TUBD1: variants seen among roughly 807,000 people sequenced by gnomAD.
TUBD1 encodes the protein tubulin delta 1.
Under a neutral mutation model 51.2 loss-of-function variants are expected in TUBD1, and 38 were observed. The observed-to-expected ratio is 0.74, with a 90% CI of 0.57 to 0.97. The LOEUF (loss-of-function observed/expected upper bound fraction) is 0.97, where lower values mean the gene tolerates loss of function less well. Ranked by LOEUF, TUBD1 falls within the 50% of genes least tolerant of loss-of-function variation. The pLI, the probability that TUBD1 is intolerant of heterozygous loss-of-function variation, is 0.00. For missense variants in TUBD1, 489 were observed against 538.4 expected, an observed-to-expected ratio of 0.91 and a Z score of 0.91; for synonymous variants, 169 against 178.2, an observed-to-expected ratio of 0.95 and a Z score of 0.41.
Position 59,880,937 on chromosome 17 carries a change from G to A in TUBD1, c.494C>T (p.Ser165Leu). 6.2e-7 allele frequency: 1 copy of A among 1,614,058 alleles called. No homozygotes were observed. Among genetic ancestry groups the A allele is most frequent in the Non-Finnish European group, 8.5e-7 (1 of 1,180,020 alleles). The change falls in exon 4 of 9, where the codon TCA (serine) becomes TTA (leucine). Residue 165 changes from serine (S) to leucine (L), a missense_variant. Ser to Leu is a moderately radical substitution (Grantham distance 145). Transcript: ENST00000325752. ...CCAAATAATCTGATTCATTTTCAAT[G>A]AGTTTGAGTACTGATCTTCTAAATT... ...TQNLEDQYSN[S>L]LKMNQIIWPY... is the part of the protein sequence containing the mutation.
At chr17:59,891,481 A>G (rs573534295) in intron 1 of TUBD1, among the ~76,000 whole-genome samples, 1 of 152,190 alleles carries the variant, frequency 6.6e-6, no homozygotes, top group Non-Finnish European at 1.5e-5. Context: ...TATTGGAGAT[A>G]GAACAGCTGT....
intron 3 of TUBD1, chr17:59,885,211 C>T (rs2040665778): frequency 1.5e-5 from 7 of 456,328 alleles, no homozygotes; most frequent in East Asian, 4.9e-5. Context: ...GAGCCTTACC[C>T]GGATGATGAC....
chr17:59,862,751 G>C (rs1160396669), intron 8 of TUBD1, among the ~76,000 whole-genome samples: 2 of 120,676 alleles, frequency 1.7e-5, no homozygotes, highest in African/African-American at 6.6e-5. Flanking sequence ...TTGAGACGGA[G>C]TCTCGCTCTG....
intron 6 of TUBD1, among the ~76,000 whole-genome samples, chr17:59,868,796 C>T (rs927484996): frequency 2.0e-5 from 3 of 151,844 alleles, no homozygotes; most frequent in Admixed American, 2.0e-4. Flanking sequence ...AATATTGCGC[C>T]ACTGCACTCC....
At position 59,869,481 on chromosome 17, in the gene TUBD1, C is replaced by CA. The variant is rs1054734107; in HGVS notation, c.935-2733dup. Among the ~76,000 whole-genome samples the CA allele has an allele frequency of 2.0e-3, 235 of 119,760 alleles. 1 individual carries two copies. The highest frequency in any genetic ancestry group is 4.5e-3 in the African/African-American group (144 of 32,088). 78.6% of individuals were successfully genotyped at this position (119,760 alleles called of 152,430 possible). ...CAGAGCAAGATTCTGTCCCCCCCGC[C>CA]AAAAAAAAAAAAGAAAAAAGAAAAA... is the stretch of plus-strand genomic sequence containing the variant. On this transcript the variant is annotated intron_variant, in intron 6 of 8. Coordinates refer to ENST00000325752, the MANE Select transcript of TUBD1 (RefSeq NM_016261.4).
rs1351270127 is a variant in TUBD1, at chr17:59,863,723, C to T, written c.1200G>A (p.Gln400=). Residue 400 remains glutamine, a synonymous_variant, in exon 8 of 9, where the codon CAG becomes CAA. Transcript: ENST00000325752. The part of the protein sequence containing the change: ...EKSAVLVSNS[Q]FLVKPLDMIV... ...TCATATCAAGTGGTTTTACTAAGAA[C>T]TGGCTGTTGCTGACCAACACTGCAG... 1.2e-6 allele frequency: 2 copies of T among 1,606,070 alleles called. No individual in the cohort carries two copies. The highest frequency in any genetic ancestry group is 1.3e-5 in the African/African-American group (1 of 74,250).
chr17:59,891,170 A>G, intron 1 of TUBD1, 129 bp from the exon 2 acceptor site: 1 of 556,512 alleles, frequency 1.8e-6, no homozygotes, highest in Non-Finnish European at 3.1e-6. Flanking sequence ...TTGTTCTGTC[A>G]CCCAGGCTAG....
chr17:59,863,447 A>G (rs2039553513), intron 8 of TUBD1, among the ~76,000 whole-genome samples: 1 of 152,008 alleles, frequency 6.6e-6, no homozygotes, highest in Non-Finnish European at 1.5e-5. Flanking sequence ...TGCCTCTACT[A>G]AAAATACAAA....
At position 59,882,084 on chromosome 17, in the gene TUBD1, C is replaced by CT. The variant is rs79330476; in HGVS notation, c.321-975dup. Among the ~76,000 whole-genome samples, 47 of 37,108 alleles carry CT rather than the reference C, an allele frequency of 1.3e-3. 1 individual carries two copies. Among genetic ancestry groups the CT allele is most frequent in the Admixed American group, 0.011 (40 of 3,512 alleles). The allele number at this position is 37,108 out of a possible 152,430, so 24.3% of individuals were successfully genotyped here. On this transcript the variant is annotated intron_variant, in intron 3 of 8. Transcript: ENST00000325752. ...GTATTTTTGTACCCATTAGCAACTT[C>CT]TTTTTTTTTTTTAAACAGGGTCTCA...
chr17:59,887,369 C>CAA (rs112102883), intron 2 of TUBD1, among the ~76,000 whole-genome samples: 1 of 122,786 alleles, frequency 8.1e-6, no homozygotes, highest in Admixed American at 8.5e-5. Context: ...GACTCTGTCT[C>CAA]AAAAAAAAAA....
chr17:59,874,092 G>C (rs895946346), intron 6 of TUBD1, among the ~76,000 whole-genome samples: 3 of 150,044 alleles, frequency 2.0e-5, no homozygotes, highest in Non-Finnish European at 4.4e-5. Context: ...GGCAGGCTGA[G>C]GCAGGAGAAT....
At chr17:59,863,351 C>T (rs2039547994) in intron 8 of TUBD1, among the ~76,000 whole-genome samples, 1 of 152,126 alleles carries the variant, frequency 6.6e-6, no homozygotes, top group South Asian at 2.1e-4. Flanking sequence ...TGGCTTACGC[C>T]TGTAATGCCA....
chr17:59,867,786 C>A, intron 6 of TUBD1, among the ~76,000 whole-genome samples: 1 of 151,970 alleles, frequency 6.6e-6, no homozygotes, highest in East Asian at 1.9e-4. Context: ...GAGGAGTGTA[C>A]TGTGCATGTG....
intron 4 of TUBD1, among the ~76,000 whole-genome samples, chr17:59,880,000 G>A (rs1235892779): frequency 1.3e-5 from 2 of 151,318 alleles, no homozygotes; most frequent in Non-Finnish European, 2.9e-5. Context: ...TGATCCATCC[G>A]CCTCGGCCTC....
intron 6 of TUBD1, among the ~76,000 whole-genome samples, chr17:59,871,678 G>A (rs918228956): frequency 1.3e-5 from 2 of 152,168 alleles, no homozygotes; most frequent in African/African-American, 4.8e-5. Context: ...TGCTTATCAA[G>A]CCTAGAGAGC....
Position 59,866,653 on chromosome 17 carries a change from T to A in TUBD1, c.1031A>T (p.Asn344Ile), listed in dbSNP as rs764614313. 1 of 1,614,078 alleles carries A rather than the reference T, an allele frequency of 6.2e-7. No homozygotes were observed. The highest frequency in any genetic ancestry group is 1.7e-5 in the Admixed American group (1 of 59,998). Residue 344 changes from asparagine (N) to isoleucine (I), a missense_variant, in exon 7 of 9, where the codon AAC becomes ATC. Coordinates refer to ENST00000325752, the MANE Select transcript of TUBD1 (RefSeq NM_016261.4). ...ATCTTTCCCACGAAGAATGACCAAG[T>A]TAGCAATGGAAGTGTTAAAATGCAG... The part of the protein sequence containing the change: ...KDLHFNTSIA[N>I]LVILRGKDVQ...
intron 3 of TUBD1, chr17:59,885,273 T>C (rs933720749): frequency 1.7e-6 from 1 of 577,708 alleles, no homozygotes; most frequent in Non-Finnish European, 3.3e-6. Context: ...ATCCATGGTA[T>C]AGCTGGGACC....
Position 59,890,900 on chromosome 17 carries a change from A to G in TUBD1, c.103T>C (p.Ser35Pro). ...TGATATGCCTCATTCTCTCTCATAG[A>G]GCAGAGTCCCTGGGAACTGTGTGAG... ...SDSHSSQGLC[S>P]MRENEAYQAS... is the part of the protein sequence containing the mutation. The change falls in exon 2 of 9, where the codon TCT (serine) becomes CCT (proline). Residue 35 changes from serine to proline, a missense_variant. Coordinates refer to ENST00000325752, the MANE Select transcript of TUBD1 (RefSeq NM_016261.4). The G allele has an allele frequency of 6.2e-7, 1 of 1,613,906 alleles. No homozygotes were observed.
intron 7 of TUBD1, among the ~76,000 whole-genome samples, chr17:59,866,042 C>T (rs1040958761): frequency 4.3e-5 from 6 of 139,024 alleles, no homozygotes; most frequent in Non-Finnish European, 9.1e-5. Context: ...ACCTGGGAGG[C>T]GGAGGTTGCA....
Sources: gnomAD v4.1 joint callset for allele counts (sites outside exome capture counted in the v4.1 genomes callset) on GRCh38, gnomAD v4.1.1 for gene constraint, MANE v1.5 for transcripts, NCBI Gene and HGNC (gene_info 2026-07-23, HGNC 2026-07-21) for gene names.